Variants in KCNH5 observed in about 807,000 individuals in gnomAD.
KCNH5 encodes potassium voltage-gated channel subfamily H member 5.
A neutral mutation model predicts 96.1 loss-of-function variants in KCNH5; 46 were observed. The ratio of observed to expected loss-of-function variants is 0.48; its 90% CI spans 0.38 to 0.61. KCNH5 has a LOEUF of 0.61. Among genes scored for constraint, KCNH5 ranks in the 20% least tolerant of loss-of-function variants. KCNH5 has a pLI of 0.00. For missense variants in KCNH5, 907 were observed against 1,225.8 expected (o/e 0.74, Z 3.88); for synonymous variants, 439 against 449.8 (o/e 0.98, Z 0.30).
At chr14:62,743,179 C>T (rs147252687) in intron 10 of KCNH5, among the ~76,000 whole-genome samples, 39 of 152,236 alleles carry the variant, frequency 2.6e-4, no homozygotes, top group African/African-American at 3.6e-4. Flanking sequence ...GATGGTTTTC[C>T]GCTAAGACTC....
intron 6 of KCNH5, among the ~76,000 whole-genome samples, chr14:62,963,742 G>A (rs899928906): frequency 6.6e-6 from 1 of 152,098 alleles, no homozygotes; most frequent in Admixed American, 6.6e-5. Context: ...GATACACCCA[G>A]TAACAATGTG....
At chr14:63,003,490 TA>T (rs1891052821) in intron 3 of KCNH5, among the ~76,000 whole-genome samples, 1 of 126,688 alleles carries the variant, frequency 7.9e-6, no homozygotes, top group Non-Finnish European at 1.6e-5. Flanking sequence ...ATTTTATATA[TA>T]TTATATATAT....
At chr14:62,722,394 GA>G (rs888895612) in intron 10 of KCNH5, among the ~76,000 whole-genome samples, 1 of 151,734 alleles carries the variant, frequency 6.6e-6, no homozygotes, top group African/African-American at 2.4e-5. Flanking sequence ...TTATAAAGAT[GA>G]AAAAAAACCT....
intron 10 of KCNH5, among the ~76,000 whole-genome samples, chr14:62,746,559 C>A (rs187170781): frequency 6.6e-6 from 1 of 152,308 alleles, no homozygotes; most frequent in Admixed American, 6.5e-5. Context: ...AGCAGGCCAG[C>A]CATCTATCCT....
At chr14:62,899,725 T>G (rs996657617) in intron 7 of KCNH5, among the ~76,000 whole-genome samples, 1 of 150,280 alleles carries the variant, frequency 6.7e-6, no homozygotes, top group Non-Finnish European at 1.5e-5. Flanking sequence ...TCCCAGCTAC[T>G]TGGGAGGCTG....
chr14:62,792,366 A>G (rs1886453623), intron 9 of KCNH5, among the ~76,000 whole-genome samples: 1 of 151,588 alleles, frequency 6.6e-6, no homozygotes. Flanking sequence ...AGCTCTTATT[A>G]AGCAGAAGTA....
chr14:62,761,737 G>A (rs1003855664), intron 10 of KCNH5, among the ~76,000 whole-genome samples: 5 of 152,148 alleles, frequency 3.3e-5, no homozygotes, highest in South Asian at 2.1e-4. Context: ...AAGAAAAAAC[G>A]AGCCATAAAA....
At chr14:63,045,000 G>A (rs1891895834) in intron 1 of KCNH5, 114 bp downstream of exon 1, 4 of 866,734 alleles carry the variant, frequency 4.6e-6, no homozygotes, top group South Asian at 4.4e-5. Context: ...GAAACCACCA[G>A]GTAAGGCTGC....
rs1036863061 is a variant in KCNH5, at chr14:62,980,749, G to T, written c.942+123C>A. The T allele has an allele frequency of 3.3e-5, 32 of 980,912 alleles. No homozygotes were observed. In the East Asian group the frequency reaches 8.1e-4, roughly 25 times the overall value. 60.8% of individuals were successfully genotyped at this position (980,912 alleles called of 1,614,324 possible). The stretch of plus-strand genomic sequence containing the variant: ...ATCAAATATAATAACTTTTGGCAAG[G>T]GTTTCAAGAAAGTTGAAAGTGGTGG... On this transcript the variant is annotated intron_variant, in intron 6 of 10. Transcript: ENST00000322893.
At chr14:62,793,678 A>T (rs1043956838) in intron 9 of KCNH5, among the ~76,000 whole-genome samples, 4 of 151,740 alleles carry the variant, frequency 2.6e-5, no homozygotes, top group South Asian at 2.1e-4. Context: ...CACTTAAAAA[A>T]TTTTTTTAAG....
chr14:63,002,603 C>T (rs1287971736), intron 3 of KCNH5, among the ~76,000 whole-genome samples: 1 of 151,628 alleles, frequency 6.6e-6, no homozygotes, highest in African/African-American at 2.4e-5. Flanking sequence ...CATTAAGAAC[C>T]GAATAAGAAG....
At chr14:63,013,749 T>G (rs1319884891) in intron 2 of KCNH5, among the ~76,000 whole-genome samples, 1 of 152,028 alleles carries the variant, frequency 6.6e-6, no homozygotes, top group African/African-American at 2.4e-5. Flanking sequence ...ATTTTAGGCT[T>G]TTTTTTACTT....
chr14:62,937,599 G>A (rs1256828355), intron 7 of KCNH5, among the ~76,000 whole-genome samples: 1 of 152,132 alleles, frequency 6.6e-6, no homozygotes, highest in Non-Finnish European at 1.5e-5. Flanking sequence ...GAAGATGAGT[G>A]GTCATAGGTT....
chr14:62,950,154 C>T lies in KCNH5; in HGVS notation c.1348G>A (p.Val450Met). ...TTACAGCCAACCATCATCATAGCCA[C>T]CGAAAACATCTTCTCCACATCTGTG... ...PTTDVEKMFS[V>M]AMMMVGSLLY... Residue 450 changes from valine (V) to methionine (M), a missense_variant, in exon 7 of 11, where the codon GTG (valine) becomes ATG (methionine). Val to Met is a conservative substitution (Grantham distance 21). This residue lies in a region of KCNH5 where 370 missense variants were observed against 561.3 expected (regional missense o/e 0.66). Coordinates refer to ENST00000322893, the MANE Select transcript of KCNH5 (RefSeq NM_139318.5). The T allele has an allele frequency of 1.2e-6, 2 of 1,613,900 alleles. No homozygotes were observed. The highest frequency in any genetic ancestry group is 1.7e-6 in the Non-Finnish European group (2 of 1,179,902).
rs547109056 is a variant in KCNH5 at position 63,018,348 on chromosome 14, G to T, written c.74-1394C>A. On this transcript the variant is annotated intron_variant, in intron 1 of 10. Transcript: ENST00000322893. ...TTGGAGTTGGGGAAATCCTTTAATTGATGGAGTGATAAACTTCCGCATAAT... is the reference window on the plus strand; with the variant it reads ...TTGGAGTTGGGGAAATCCTTTAATTTATGGAGTGATAAACTTCCGCATAAT... 3.3e-5 allele frequency among the ~76,000 whole-genome samples: 5 copies of T among 152,026 alleles called. No homozygotes were observed. In the East Asian group the frequency reaches 9.7e-4, roughly 30 times the overall value.
intron 1 of KCNH5, among the ~76,000 whole-genome samples, chr14:63,039,414 T>C (rs937437192): frequency 6.6e-6 from 1 of 152,092 alleles, no homozygotes; most frequent in Non-Finnish European, 1.5e-5. Flanking sequence ...GAAGTAACTA[T>C]AAATCTGTAA....
In KCNH5 at chr14:62,849,639, A is replaced by G. The variant is rs1324927158; in HGVS notation, c.1569+14T>C. ...CTAAAATAGAAACTAAATAATAACA[A>G]TAATAACCCATACCTTTTCTGTATC... is the stretch of plus-strand genomic sequence containing the variant. On this transcript the variant is annotated intron_variant, in intron 8 of 10. Transcript: ENST00000322893. 5.6e-6 allele frequency: 9 copies of G among 1,605,742 alleles called. 1 individual carries two copies. The Middle Eastern group carries it at 5.0e-4, about 88-fold the overall frequency.
At chr14:62,814,369 C>T (rs971224931) in intron 8 of KCNH5, among the ~76,000 whole-genome samples, 4 of 152,120 alleles carry the variant, frequency 2.6e-5, no homozygotes, top group African/African-American at 7.2e-5. Flanking sequence ...CTCTTAATCT[C>T]GTGTCTTTAC....
chr14:62,759,573 A>ATATATATATATATATTTTTTTTTTTT (rs1171935428), intron 10 of KCNH5, among the ~76,000 whole-genome samples: 8 of 151,082 alleles, frequency 5.3e-5, no homozygotes, highest in Non-Finnish European at 8.9e-5. Flanking sequence ...CGTAGGGTAT[A>ATATATATATATATATTTTTTTTTTTT]TTTTTTAATA....
Sources: allele counts gnomAD v4.1 joint callset (sites outside exome capture counted in the v4.1 genomes callset), GRCh38; gene constraint gnomAD v4.1.1; regional missense constraint gnomAD v4.1.1; transcripts MANE v1.5; gene names NCBI Gene and HGNC (gene_info 2026-07-23, HGNC 2026-07-21).